TENM3: variants seen among roughly 807,000 people sequenced by gnomAD.
TENM3 encodes teneurin transmembrane protein 3, also known as teneurin-3.
A neutral mutation model predicts 255.1 loss-of-function variants in TENM3; 63 were observed. That is an observed-to-expected ratio of 0.25 (90% confidence interval 0.20 to 0.30). TENM3 has a LOEUF of 0.30. Among genes scored for constraint, TENM3 ranks in the 10% least tolerant of loss-of-function variants. The pLI is 1.00. For synonymous variants in TENM3, 1,306 were observed against 1,322.3 expected (o/e 0.99, Z 0.27); for missense variants, 2,929 against 3,461.1 (o/e 0.85, Z 3.86).
At chr4:182,364,179 AAAGTGG>A (rs1333563008) in intron 3 of TENM3, among the ~76,000 whole-genome samples, 1 of 151,966 alleles carries the variant, frequency 6.6e-6, no homozygotes, top group African/African-American at 2.4e-5. Flanking sequence ...AGATGTGATA[AAAGTGG>A]AACCTGAGAT....
At chr4:182,445,516 AG>A (rs1393915295) in intron 3 of TENM3, among the ~76,000 whole-genome samples, 1 of 152,136 alleles carries the variant, frequency 6.6e-6, no homozygotes, top group Non-Finnish European at 1.5e-5. Context: ...TTTTTCTTCA[AG>A]GTTTTTGTCC....
chr4:182,734,374 G>A (rs761371075), intron 16 of TENM3, among the ~76,000 whole-genome samples: 2 of 152,192 alleles, frequency 1.3e-5, no homozygotes, highest in Non-Finnish European at 2.9e-5. Context: ...TTCCTTAGGT[G>A]ATGCGGAACC....
At chr4:182,536,173 G>A (rs1740293344) in intron 3 of TENM3, among the ~76,000 whole-genome samples, 2 of 152,184 alleles carry the variant, frequency 1.3e-5, no homozygotes, top group Admixed American at 1.3e-4. Flanking sequence ...TCTGTTTATA[G>A]CAAGTCTTTC....
the TENM3 span, among the ~76,000 whole-genome samples, chr4:181,650,121 A>C: frequency 6.6e-6 from 1 of 152,348 alleles, no homozygotes; most frequent in South Asian, 2.1e-4. Context: ...TGTCACTCAA[A>C]GATTATGCAT....
At chr4:182,778,527 C>CCA (rs1673980522) in intron 24 of TENM3, among the ~76,000 whole-genome samples, 1 of 152,148 alleles carries the variant, frequency 6.6e-6, no homozygotes, top group South Asian at 2.1e-4. Context: ...CTTGATATCG[C>CCA]CACCCAGTGT....
At chr4:181,549,747 C>A in the TENM3 span, among the ~76,000 whole-genome samples, 2 of 152,148 alleles carry the variant, frequency 1.3e-5, no homozygotes, top group African/African-American at 4.8e-5. Context: ...TTTGATTAAT[C>A]CTGTTCAAAA....
chr4:181,610,458 G>A, the TENM3 span, among the ~76,000 whole-genome samples: 39 of 152,192 alleles, frequency 2.6e-4, no homozygotes, highest in African/African-American at 8.4e-4. Flanking sequence ...TGTCAACCTA[G>A]TGCAGTTACA....
the TENM3 span, among the ~76,000 whole-genome samples, chr4:181,705,346 A>C: frequency 6.6e-6 from 1 of 152,216 alleles, no homozygotes; most frequent in Non-Finnish European, 1.5e-5. Flanking sequence ...ATTTGGGGGA[A>C]GTCTGACATC....
chr4:181,743,989 G>A, the TENM3 span, among the ~76,000 whole-genome samples: 5 of 151,838 alleles, frequency 3.3e-5, no homozygotes, highest in South Asian at 6.3e-4. Context: ...ACCCAACCCC[G>A]ACAGGCCCCA....
chr4:181,528,163 G>A, the TENM3 span, among the ~76,000 whole-genome samples: 6 of 130,836 alleles, frequency 4.6e-5, no homozygotes, highest in African/African-American at 1.5e-4. Flanking sequence ...TTATAAAATA[G>A]ATACTTAATA....
chr4:182,366,148 C>T (rs1016985326), intron 3 of TENM3, among the ~76,000 whole-genome samples: 2 of 151,690 alleles, frequency 1.3e-5, no homozygotes, highest in Admixed American at 1.3e-4. Context: ...TCTTATTAAC[C>T]CTTAATCTAT....
chr4:182,020,176 C>G, the TENM3 span, among the ~76,000 whole-genome samples: 1 of 151,812 alleles, frequency 6.6e-6, no homozygotes, highest in African/African-American at 2.4e-5. Context: ...ACCAGTCTGG[C>G]CAGCATGGTG....
intron 22 of TENM3, among the ~76,000 whole-genome samples, chr4:182,767,750 T>G (rs1763844509): frequency 1.3e-5 from 2 of 152,318 alleles, no homozygotes; most frequent in East Asian, 3.9e-4. Context: ...CAAACCCGTG[T>G]AACCCACGAA....
chr4:182,754,544 G>C lies in TENM3; in HGVS notation c.4177G>C (p.Val1393Leu), dbSNP rs200687454. Residue 1393 changes from valine (V) to leucine (L), a missense_variant, in exon 22 of 28, where the codon GTG becomes CTG. Coordinates refer to ENST00000511685, the MANE Select transcript of TENM3 (RefSeq NM_001080477.4). This position sits in a 1 kb window ranked among gnomAD's most constrained non-coding sequence, Gnocchi z 5.1. ...HCQVPGVEYP[V>L]GKHAVQTTLE... ...TCAGGTTCCCGGAGTGGAATATCCT[G>C]TGGGGAAGCACGCGGTGCAGACAAC... 2 of 1,613,872 alleles carry C rather than the reference G, an allele frequency of 1.2e-6. No individual in the cohort carries two copies. The highest frequency in any genetic ancestry group is 1.7e-6 in the Non-Finnish European group (2 of 1,179,882).
At chr4:182,430,687 A>C (rs12651593) in intron 3 of TENM3, among the ~76,000 whole-genome samples, 1 of 151,660 alleles carries the variant, frequency 6.6e-6, no homozygotes, top group Non-Finnish European at 1.5e-5. Flanking sequence ...GTCGATCACA[A>C]AGCAGAGATC....
At chr4:181,916,653 C>A in the TENM3 span, among the ~76,000 whole-genome samples, 1 of 151,936 alleles carries the variant, frequency 6.6e-6, no homozygotes, top group Admixed American at 6.6e-5. Flanking sequence ...CTGAGGGAGG[C>A]CGATCACGAG....
At chr4:181,637,859 A>G in the TENM3 span, among the ~76,000 whole-genome samples, 1 of 152,222 alleles carries the variant, frequency 6.6e-6, no homozygotes, top group Admixed American at 6.5e-5. Context: ...CAGAGCCTAG[A>G]ACAGAAATAA....
chr4:182,220,378 C>CAAAAAAAAAAA (rs60851113), intron 1 of TENM3, among the ~76,000 whole-genome samples: 25 of 77,488 alleles, frequency 3.2e-4, no homozygotes, highest in East Asian at 1.7e-3. Context: ...CTCTGTCTCA[C>CAAAAAAAAAAA]AAAAAAAAAA....
At chr4:181,708,740 G>C in the TENM3 span, among the ~76,000 whole-genome samples, 1 of 152,064 alleles carries the variant, frequency 6.6e-6, no homozygotes, top group Non-Finnish European at 1.5e-5. Context: ...GATCTGACTG[G>C]TCTAAGGATG....
Sources: gnomAD v4.1 joint callset for allele counts (sites outside exome capture counted in the v4.1 genomes callset) on GRCh38, gnomAD v4.1.1 for gene constraint, Gnocchi (gnomAD v3.1) non-coding constraint, MANE v1.5 for transcripts, NCBI Gene and HGNC (gene_info 2026-07-23, HGNC 2026-07-21) for gene names.